The following MASTL variants were observed in gnomAD, a reference collection of about 807,000 sequenced individuals.
The protein encoded by MASTL is microtubule associated serine/threonine kinase like.
In MASTL, 54 loss-of-function variants were observed where a neutral mutation model predicts 82.5. That is an observed-to-expected ratio of 0.65 (90% CI 0.53 to 0.82). The LOEUF is 0.82. Ranked by LOEUF, MASTL falls within the 40% of genes least tolerant of loss-of-function variation. The pLI is 0.00. For missense variants in MASTL, 950 were observed against 1,047.8 expected (o/e 0.91, Z 1.29); for synonymous variants, 323 against 368.9 (o/e 0.88, Z 1.43).
chr10:27,181,611 C>A (rs2058312208), intron 11 of MASTL, 30 bp downstream of exon 11: 3 of 1,510,538 alleles, frequency 2.0e-6, no homozygotes, highest in Middle Eastern at 1.7e-4. Flanking sequence ...CATTGTTTTA[C>A]CATTGATTTT....
chr10:27,185,257 T>G lies in MASTL; in HGVS notation c.2483-1122T>G, dbSNP rs139188694. Reference sequence around the variant, plus strand: ...AGAGTCAAAACTGGAGCATTCATCATGGAAGATCAATGGCATGGAAGGTTT... The same window carrying G: ...AGAGTCAAAACTGGAGCATTCATCAGGGAAGATCAATGGCATGGAAGGTTT... On this transcript the variant is annotated intron_variant, in intron 11 of 11. Coordinates refer to ENST00000375940, the MANE Select transcript of MASTL (RefSeq NM_001172303.3). Among the ~76,000 whole-genome samples, 1,387 of 152,280 alleles carry G rather than the reference T, an allele frequency of 9.1e-3. 14 individuals carry two copies. Among genetic ancestry groups the G allele is most frequent in the Middle Eastern group, 0.031 (9 of 294 alleles).
intron 9 of MASTL, among the ~76,000 whole-genome samples, chr10:27,175,168 T>TTTTA (rs1431064786): frequency 1.6e-5 from 2 of 125,786 alleles, no homozygotes; most frequent in East Asian, 2.1e-4. Flanking sequence ...CTGAAAATTC[T>TTTTA]TTTATTTATT....
upstream of MASTL, chr10:27,154,651 C>T (rs2057295271): frequency 4.3e-6 from 1 of 235,162 alleles, no homozygotes; most frequent in Non-Finnish European, 8.1e-6. Context: ...CTCACTGCAA[C>T]CTCTGCTCCC....
chr10:27,186,602 T>A lies in MASTL; in HGVS notation c.*66T>A. Reference sequence around the variant, plus strand: ...TGAACTTGCATAATTATATACTCCTTAATACTAGATTGATCTAAGGGGGAA... The same window carrying A: ...TGAACTTGCATAATTATATACTCCTAAATACTAGATTGATCTAAGGGGGAA... On this transcript the variant is annotated 3_prime_UTR_variant, in exon 12 of 12. Transcript: ENST00000375940. 1 of 1,306,686 alleles carries A rather than the reference T, an allele frequency of 7.7e-7. No homozygotes were observed. Among genetic ancestry groups the A allele is most frequent in the Non-Finnish European group, 1.1e-6 (1 of 899,120 alleles). The allele number at this position is 1,306,686 out of a possible 1,614,324, so 80.9% of individuals were successfully genotyped here.
chr10:27,173,295 T>C (rs771376954), intron 9 of MASTL, 36 bp downstream of exon 9: 3 of 1,612,164 alleles, frequency 1.9e-6, no homozygotes, highest in South Asian at 2.2e-5. Context: ...TGAAGTGTTA[T>C]CTATCACTAC....
At chr10:27,156,182 T>TTTTAGTAGAGACGGGGTTTC (rs71894704) in intron 1 of MASTL, among the ~76,000 whole-genome samples, 1 of 151,766 alleles carries the variant, frequency 6.6e-6, no homozygotes, top group East Asian at 1.9e-4. Flanking sequence ...TTTTTTGTAT[T>TTTTAGTAGAGACGGGGTTTC]TTTAGTAGAG....
chr10:27,186,635 T>C lies in MASTL; in HGVS notation c.*99T>C. ...GATTGATCTAAGGGGGAAAGATCAT[T>C]ATTTAACCTAGTTCAATGTGCTTTT... is the stretch of plus-strand genomic sequence containing the variant. On this transcript the variant is annotated 3_prime_UTR_variant, in exon 12 of 12. Transcript: ENST00000375940. 1 of 1,106,568 alleles carries C rather than the reference T, an allele frequency of 9.0e-7. No homozygotes were observed. The highest frequency in any genetic ancestry group is 1.2e-5 in the South Asian group (1 of 80,592). The allele number at this position is 1,106,568 out of a possible 1,614,324, so 68.5% of individuals were successfully genotyped here.
rs902310769 is a variant in MASTL, at chr10:27,171,102, A to G, written c.2124+19A>G. The G allele has an allele frequency of 7.5e-6, 12 of 1,609,144 alleles. No homozygotes were observed. Among genetic ancestry groups the G allele is most frequent in the Non-Finnish European group, 1.0e-5 (12 of 1,175,590 alleles). ...ACATCAGGTATATTTATAACTTTCTAATACTGTTTTTTGGATTTTAGAAAA... is the reference window on the plus strand; with the variant it reads ...ACATCAGGTATATTTATAACTTTCTGATACTGTTTTTTGGATTTTAGAAAA... On this transcript the variant is annotated intron_variant, in intron 8 of 11. Coordinates refer to ENST00000375940, the MANE Select transcript of MASTL (RefSeq NM_001172303.3).
Position 27,183,490 on chromosome 10 carries a change from G to A in MASTL, c.2482+1909G>A, listed in dbSNP as rs2058447993. On this transcript the variant is annotated intron_variant, in intron 11 of 11. Transcript: ENST00000375940. ...AGTAGAGATGGGGTTTCACCATGTTGGCCAGGATGGTCTCGATCTCTTGAC... is the reference window on the plus strand; with the variant it reads ...AGTAGAGATGGGGTTTCACCATGTTAGCCAGGATGGTCTCGATCTCTTGAC... Among the ~76,000 whole-genome samples the A allele has an allele frequency of 2.0e-5, 3 of 151,966 alleles. No homozygotes were observed. The South Asian group carries it at 6.2e-4, about 32-fold the overall frequency.
At chr10:27,184,166 C>T (rs539935256) in intron 11 of MASTL, among the ~76,000 whole-genome samples, 2 of 152,274 alleles carry the variant, frequency 1.3e-5, no homozygotes, top group Admixed American at 1.3e-4. Context: ...AGACAGTGAA[C>T]AGTTACAGAC....
Position 27,187,183 on chromosome 10 carries a change from C to G in MASTL, c.*647C>G, listed in dbSNP as rs1588846051. ...GGCATGTTGGTGGGCGCCTGTAGTC[C>G]CAGCTACTCTGGAGGCTGAGGCAGG... On this transcript the variant is annotated 3_prime_UTR_variant, in exon 12 of 12. Transcript: ENST00000375940. 1.3e-5 allele frequency among the ~76,000 whole-genome samples: 2 copies of G among 152,190 alleles called. No individual in the cohort carries two copies. Among genetic ancestry groups the G allele is most frequent in the East Asian group, 3.9e-4 (2 of 5,174 alleles).
At chr10:27,180,819 T>C (rs2058249504) in intron 9 of MASTL, 134 bp from the exon 10 acceptor site, 1 of 710,502 alleles carries the variant, frequency 1.4e-6, no homozygotes, top group East Asian at 2.7e-5. Context: ...CTTATCTGCT[T>C]TTTCTTTTTG....
In MASTL at chr10:27,170,515, C is replaced by T. The variant is rs147548167; in HGVS notation, c.1556C>T (p.Thr519Ile). The T allele has an allele frequency of 9.3e-6, 15 of 1,613,878 alleles. No individual in the cohort carries two copies. The African/African-American group carries it at 2.0e-4, about 22-fold the overall frequency. ...AATTCTTTTACTGATAAACAACAAA[C>T]ACCAGAAAAATTACCTATACCAATG... is the stretch of plus-strand genomic sequence containing the variant. ...IVNSFTDKQQ[T>I]PEKLPIPMIA... The change falls in exon 8 of 12, where the codon ACA (threonine) becomes ATA (isoleucine). Residue 519 changes from threonine to isoleucine, a missense_variant. Transcript: ENST00000375940.
At chr10:27,155,247 G>A, upstream of MASTL, 4 of 639,800 alleles carry the variant, frequency 6.3e-6, no homozygotes, top group Middle Eastern at 4.3e-4. Context: ...CGAAGTCGGG[G>A]CTTTCCCGAC....
intron 7 of MASTL, among the ~76,000 whole-genome samples, chr10:27,169,266 A>G (rs896777027): frequency 6.6e-6 from 1 of 152,102 alleles, no homozygotes; most frequent in South Asian, 2.1e-4. Flanking sequence ...TTGCAGTTCA[A>G]AACAGAATCA....
At chr10:27,185,151 G>T (rs1216839634) in intron 11 of MASTL, among the ~76,000 whole-genome samples, 1 of 152,148 alleles carries the variant, frequency 6.6e-6, no homozygotes, top group African/African-American at 2.4e-5. Context: ...AAGGGAGAAG[G>T]GGGTGAGCTT....
In MASTL at chr10:27,170,055, G is replaced by T. The variant is rs765545649; in HGVS notation, c.1096G>T (p.Glu366Ter). ...GAAAGGTTTCAATAAAAAGGATCTG[G>T]AGTTAGCTCTTTCTCCCATTCATAA... ...ETKGFNKKDL[E>*]LALSPIHNSS... is the part of the protein sequence containing the mutation. Residue 366 changes from glutamate (E) to a stop codon, truncating the protein, a stop_gained, in exon 8 of 12, where the codon GAG (glutamate) becomes TAG (stop). Coordinates refer to ENST00000375940, the MANE Select transcript of MASTL (RefSeq NM_001172303.3). LOFTEE classifies it high-confidence loss of function. 6 of 1,614,050 alleles carry T rather than the reference G, an allele frequency of 3.7e-6. No individual in the cohort carries two copies. The highest frequency in any genetic ancestry group is 5.1e-6 in the Non-Finnish European group (6 of 1,180,038).
At chr10:27,161,055 C>CT in intron 3 of MASTL, 39 bp from the exon 4 acceptor site, 1 of 1,324,294 alleles carries the variant, frequency 7.6e-7, no homozygotes, top group Non-Finnish European at 1.1e-6. Flanking sequence ...AAAACTAGCC[C>CT]TTTTTTGGTT....
At chr10:27,176,076 GAT>G (rs1209844813) in intron 9 of MASTL, among the ~76,000 whole-genome samples, 2 of 147,376 alleles carry the variant, frequency 1.4e-5, no homozygotes, top group Non-Finnish European at 3.0e-5. Flanking sequence ...CAGCCTGGGT[GAT>G]AGAGCAAGAC....
Sources: gnomAD v4.1 joint callset for allele counts (sites outside exome capture counted in the v4.1 genomes callset) on GRCh38, gnomAD v4.1.1 for gene constraint, MANE v1.5 for transcripts, NCBI Gene and HGNC (gene_info 2026-07-23, HGNC 2026-07-21) for gene names.